The following EPS8 variants were observed in gnomAD, a reference collection of about 807,000 sequenced individuals.
EPS8 encodes the protein epidermal growth factor receptor kinase substrate 8.
In EPS8, 42 loss-of-function variants were observed where a neutral mutation model predicts 103.8. The observed-to-expected ratio is 0.40, with a 90% CI of 0.32 to 0.52. The LOEUF is 0.52. EPS8 is among the 20% of genes least tolerant of loss of function. The pLI, the probability that EPS8 is intolerant of heterozygous loss-of-function variation, is 0.40. For missense variants in EPS8, 969 were observed against 1,005.1 expected, an observed-to-expected ratio of 0.96 and a Z score of 0.49; for synonymous variants, 344 against 344.6, an observed-to-expected ratio of 1.00 and a Z score of 0.02.
At chr12:15,753,630 A>C (rs527467210) in intron 1 of EPS8, among the ~76,000 whole-genome samples, 3 of 152,320 alleles carry the variant, frequency 2.0e-5, no homozygotes, top group African/African-American at 7.2e-5. Flanking sequence ...ACGTAATAAA[A>C]ACTCTAATGC....
intron 3 of EPS8, among the ~76,000 whole-genome samples, chr12:15,677,964 G>C (rs997434549): frequency 2.6e-5 from 4 of 152,050 alleles, no homozygotes; most frequent in Non-Finnish European, 2.9e-5. Flanking sequence ...TGTGAAACTC[G>C]GGGGCTGCAT....
chr12:15,652,386 A>G (rs1206909436), intron 13 of EPS8, among the ~76,000 whole-genome samples: 1 of 152,174 alleles, frequency 6.6e-6, no homozygotes, highest in Non-Finnish European at 1.5e-5. Flanking sequence ...AGATCAGTAA[A>G]GTGACTATAG....
chr12:15,663,944 A>AAAAAAAAAATAAT (rs1555112203), intron 8 of EPS8, among the ~76,000 whole-genome samples: 5 of 85,978 alleles, frequency 5.8e-5, no homozygotes, highest in African/African-American at 2.3e-4. Flanking sequence ...AAAAAAAAAA[A>AAAAAAAAAATAAT]AATAATATAT....
chr12:15,646,581 T>A (rs1253101597), intron 15 of EPS8, among the ~76,000 whole-genome samples: 1 of 152,172 alleles, frequency 6.6e-6, no homozygotes, highest in Non-Finnish European at 1.5e-5. Context: ...CTATATTAAA[T>A]TTTTTAAGAG....
intron 3 of EPS8, among the ~76,000 whole-genome samples, chr12:15,676,748 G>T (rs1243409174): frequency 6.6e-6 from 1 of 152,138 alleles, no homozygotes; most frequent in Non-Finnish European, 1.5e-5. Flanking sequence ...GGAGGAGAGA[G>T]AAATTAATAT....
intron 1 of EPS8, among the ~76,000 whole-genome samples, chr12:15,691,697 A>T (rs12315354): frequency 0.16 from 24,766 of 152,188 alleles, 2,766 homozygotes; most frequent in Admixed American, 0.34. Flanking sequence ...AGTGAGAATC[A>T]TATCACAGAG....
intron 1 of EPS8, among the ~76,000 whole-genome samples, chr12:15,775,717 G>T (rs1198709429): frequency 6.6e-6 from 1 of 152,066 alleles, no homozygotes; most frequent in Non-Finnish European, 1.5e-5. Context: ...CTAACATCAC[G>T]CAGTCCACAA....
In EPS8 at chr12:15,735,848, AG is replaced by A. The variant is rs1295998976; in HGVS notation, c.-21-52877del. Among the ~76,000 whole-genome samples the A allele has an allele frequency of 1.3e-5, 2 of 152,344 alleles. No individual in the cohort carries two copies. Among genetic ancestry groups the A allele is most frequent in the African/African-American group, 4.8e-5 (2 of 41,580 alleles). Reference sequence around the variant, plus strand: ...TGGCAATATTTTTAAAAACTTATATAGAAAAAAATGCCAATAATAGGACAAA... The same window carrying A: ...TGGCAATATTTTTAAAAACTTATATAAAAAAAATGCCAATAATAGGACAAA... On this transcript the variant is annotated intron_variant, in intron 1 of 20. Transcript: ENST00000281172. The surrounding 1 kb of genome is among the most constrained non-coding windows in gnomAD (Gnocchi z 4.4).
chr12:15,788,239 G>A (rs1255330380), intron 1 of EPS8, among the ~76,000 whole-genome samples: 2 of 152,136 alleles, frequency 1.3e-5, no homozygotes, highest in African/African-American at 4.8e-5. Context: ...ACTATCTAAG[G>A]CAAGAAACCT....
rs769979688 is a variant in EPS8 at position 15,734,759 on chromosome 12, C to A, written c.-21-51787G>T. Among the ~76,000 whole-genome samples, 2 of 152,048 alleles carry A rather than the reference C, an allele frequency of 1.3e-5. No individual in the cohort carries two copies. Among genetic ancestry groups the A allele is most frequent in the East Asian group, 1.9e-4 (1 of 5,190 alleles). ...AAAAAAACAAAAAAGATTCTCTGCA[C>A]GTAACTTTGTTAATTCCCATTTAAC... On this transcript the variant is annotated intron_variant, in intron 1 of 20. Transcript: ENST00000281172. The surrounding 1 kb of genome is among the most constrained non-coding windows in gnomAD (Gnocchi z 4.1).
chr12:15,658,629 G>T (rs199876021), intron 10 of EPS8, 44 bp from the exon 11 acceptor site: 1 of 1,302,048 alleles, frequency 7.7e-7, no homozygotes, highest in African/African-American at 1.5e-5. Flanking sequence ...AAAATCCAAG[G>T]AAATTTATTA....
intron 12 of EPS8, 143 bp from the exon 13 acceptor site, chr12:15,654,436 A>G (rs1591823556): frequency 7.0e-6 from 5 of 714,932 alleles, no homozygotes; most frequent in Non-Finnish European, 1.2e-5. Context: ...GTGCTACTGA[A>G]TGAAGAAAAG....
At chr12:15,648,621 TTTAA>T (rs1945360583) in intron 14 of EPS8, among the ~76,000 whole-genome samples, 1 of 152,226 alleles carries the variant, frequency 6.6e-6, no homozygotes, top group Admixed American at 6.5e-5. Flanking sequence ...TTAGGTAATC[TTTAA>T]TTAAAGGCTG....
At chr12:15,715,858 C>G (rs1946527649) in intron 1 of EPS8, among the ~76,000 whole-genome samples, 1 of 151,496 alleles carries the variant, frequency 6.6e-6, no homozygotes, top group African/African-American at 2.4e-5. Flanking sequence ...TCTGGGGAAC[C>G]CAAACTGCAA....
At chr12:15,763,226 G>A (rs1299739255) in intron 1 of EPS8, among the ~76,000 whole-genome samples, 2 of 152,144 alleles carry the variant, frequency 1.3e-5, no homozygotes, top group South Asian at 4.2e-4. Context: ...TGGATAGGAG[G>A]GAAAATGAGT....
chr12:15,669,470 A>G lies in EPS8; in HGVS notation c.433T>C (p.Tyr145His). Residue 145 changes from tyrosine to histidine, a missense_variant, in exon 6 of 21, where the codon TAT (tyrosine) becomes CAT (histidine). By Grantham distance (83) the Tyr-to-His change is moderately conservative. Coordinates refer to ENST00000281172, the MANE Select transcript of EPS8 (RefSeq NM_004447.6). ...HCQAVMHSCS[Y>H]DSVLALVCKE... ...CACACCAGTGCAAGAACTGAATCAT[A>G]GCTGCATGAATGCATCACAGCTTGG... 1 of 1,614,060 alleles carries G rather than the reference A, an allele frequency of 6.2e-7. No individual in the cohort carries two copies. Among genetic ancestry groups the G allele is most frequent in the Non-Finnish European group, 8.5e-7 (1 of 1,179,942 alleles).
chr12:15,645,111 A>C (rs1565476269), intron 15 of EPS8, among the ~76,000 whole-genome samples: 1 of 152,066 alleles, frequency 6.6e-6, no homozygotes, highest in East Asian at 1.9e-4. Flanking sequence ...TATTTATCAA[A>C]GGTTACAAAA....
intron 1 of EPS8, among the ~76,000 whole-genome samples, chr12:15,711,675 A>G (rs929556714): frequency 6.6e-6 from 1 of 152,242 alleles, no homozygotes; most frequent in Non-Finnish European, 1.5e-5. Flanking sequence ...GGCCATAAAC[A>G]TCTTGAGGAA....
rs1946759958 is a variant in EPS8, at chr12:15,735,595, C to T, written c.-21-52623G>A. Among the ~76,000 whole-genome samples, 1 of 152,074 alleles carries T rather than the reference C, an allele frequency of 6.6e-6. No individual in the cohort carries two copies. The highest frequency in any genetic ancestry group is 2.4e-5 in the African/African-American group (1 of 41,418). ...TTGAATCTTTTTAATATTTTTCTAG[C>T]GTTTTATAAACTGTAAGTAAAATAG... On this transcript the variant is annotated intron_variant, in intron 1 of 20. Transcript: ENST00000281172. This position sits in a 1 kb window ranked among gnomAD's most constrained non-coding sequence, Gnocchi z 4.4.
Sources: allele counts gnomAD v4.1 joint callset (sites outside exome capture counted in the v4.1 genomes callset), GRCh38; gene constraint gnomAD v4.1.1; non-coding constraint Gnocchi (gnomAD v3.1); transcripts MANE v1.5; gene names NCBI Gene and HGNC (gene_info 2026-07-23, HGNC 2026-07-21).